The following MMP26 variants were observed in gnomAD, a reference collection of about 807,000 sequenced individuals.
MMP26 encodes matrix metallopeptidase 26.
Under a neutral mutation model 31.0 loss-of-function variants are expected in MMP26, and 33 were observed. That is an observed-to-expected ratio of 1.06 (90% CI 0.81 to 1.42). The LOEUF (loss-of-function observed/expected upper bound fraction) is 1.42. MMP26 is among the 40% of genes most tolerant of loss of function. The probability of loss-of-function intolerance (pLI) is 0.00; values close to 1 mark genes in which losing one functional copy is unlikely to be tolerated. For missense variants in MMP26, 347 were observed against 316.1 expected (o/e 1.10, Z -0.74); for synonymous variants, 122 against 114.9 (o/e 1.06, Z -0.40).
intron 2 of MMP26, among the ~76,000 whole-genome samples, chr11:4,880,294 G>A (rs1382207791): frequency 5.3e-5 from 8 of 152,190 alleles, no homozygotes; most frequent in Admixed American, 2.6e-4. Flanking sequence ...CAGGTAAGAC[G>A]GGAGTGCAAA....
intron 1 of MMP26, among the ~76,000 whole-genome samples, chr11:4,722,436 T>C (rs1169134136): frequency 6.7e-6 from 1 of 149,806 alleles, no homozygotes; most frequent in African/African-American, 2.4e-5. Context: ...TAGATGCCAA[T>C]TGGTTTTTCA....
intron 2 of MMP26, among the ~76,000 whole-genome samples, chr11:4,968,909 A>G (rs1332075776): frequency 6.6e-6 from 1 of 152,044 alleles, no homozygotes; most frequent in Non-Finnish European, 1.5e-5. Context: ...AAATTACTTT[A>G]GAATACAATT....
chr11:4,978,766 C>T, intron 2 of MMP26, among the ~76,000 whole-genome samples: 1 of 152,128 alleles, frequency 6.6e-6, no homozygotes, highest in Non-Finnish European at 1.5e-5. Flanking sequence ...GCAGCAGTTT[C>T]AGAAAGAACA....
At position 4,897,180 on chromosome 11, in the gene MMP26, G is replaced by A. The variant is rs189342834; in HGVS notation, c.-144-90888G>A. ...TTTTTGGATGGAGTCTCACTCTGTC[G>A]CCCGGCTGGAGTGCAGCGGCAGGAT... On this transcript the variant is annotated intron_variant, in intron 2 of 7. Transcript: ENST00000380390. Among the ~76,000 whole-genome samples the A allele has an allele frequency of 4.4e-3, 661 of 151,798 alleles. 6 individuals are homozygous for A. Among genetic ancestry groups the A allele is most frequent in the Middle Eastern group, 6.8e-3 (2 of 294 alleles).
intron 2 of MMP26, among the ~76,000 whole-genome samples, chr11:4,885,872 A>T (rs1016572909): frequency 2.0e-5 from 3 of 152,092 alleles, no homozygotes; most frequent in Non-Finnish European, 4.4e-5. Context: ...GCCTGTTGCC[A>T]TTCCTTTACA....
intron 2 of MMP26, among the ~76,000 whole-genome samples, chr11:4,851,961 A>C (rs1057073812): frequency 6.6e-6 from 1 of 152,118 alleles, no homozygotes; most frequent in South Asian, 2.1e-4. Flanking sequence ...CAATAATCAC[A>C]AAGTGAATGG....
intron 2 of MMP26, among the ~76,000 whole-genome samples, chr11:4,792,894 T>C (rs1849049586): frequency 6.6e-6 from 1 of 152,228 alleles, no homozygotes; most frequent in African/African-American, 2.4e-5. Flanking sequence ...AGCCAATTGA[T>C]AGTTATTTTA....
chr11:4,820,606 C>T (rs1849481983), intron 2 of MMP26, among the ~76,000 whole-genome samples: 2 of 151,918 alleles, frequency 1.3e-5, no homozygotes, highest in South Asian at 4.2e-4. Context: ...CCTGCCTCCA[C>T]CTTCACTAGT....
At chr11:4,952,277 C>T (rs1993387) in intron 2 of MMP26, among the ~76,000 whole-genome samples, 29,034 of 123,584 alleles carry the variant, frequency 0.23, 9,111 homozygotes, top group Non-Finnish European at 0.26. Context: ...GTACAATATC[C>T]TGAAAGAATA....
chr11:4,937,401 G>A (rs113680032), intron 2 of MMP26: 2,839 of 152,294 alleles, frequency 0.019, 34 homozygotes, highest in Middle Eastern at 0.037. Context: ...CTCGGATTTG[G>A]TGGGTCTTCA....
chr11:4,973,575 A>G (rs1846695634), intron 2 of MMP26: 1 of 153,312 alleles, frequency 6.5e-6, no homozygotes, highest in Admixed American at 6.6e-5. Context: ...TGGATGAAAA[A>G]CTCTTGAGCA....
At chr11:4,791,444 T>G (rs1344597010) in intron 2 of MMP26, among the ~76,000 whole-genome samples, 1 of 152,168 alleles carries the variant, frequency 6.6e-6, no homozygotes, top group African/African-American at 2.4e-5. Flanking sequence ...TGTTGGAGTG[T>G]TGAGGTCTTG....
At chr11:4,963,365 A>G (rs1384401865) in intron 2 of MMP26, among the ~76,000 whole-genome samples, 1 of 152,234 alleles carries the variant, frequency 6.6e-6, no homozygotes, top group Non-Finnish European at 1.5e-5. Flanking sequence ...GACTTTCTTC[A>G]CAGAGTTAGA....
chr11:4,963,766 C>T (rs957008288), intron 2 of MMP26, among the ~76,000 whole-genome samples: 1 of 152,160 alleles, frequency 6.6e-6, no homozygotes, highest in Non-Finnish European at 1.5e-5. Context: ...TCCACAACCT[C>T]ACCAGCATCT....
chr11:4,896,156 C>A (rs1305327237), intron 2 of MMP26, among the ~76,000 whole-genome samples: 1 of 152,124 alleles, frequency 6.6e-6, no homozygotes, highest in Non-Finnish European at 1.5e-5. Context: ...TTAGAGCACT[C>A]ATATTTCAGA....
At chr11:4,715,695 A>G (rs969574098) in intron 1 of MMP26, among the ~76,000 whole-genome samples, 7 of 152,160 alleles carry the variant, frequency 4.6e-5, no homozygotes, top group African/African-American at 1.7e-4. Context: ...TGAACCTATA[A>G]AGATTTGGAG....
At position 4,914,893 on chromosome 11, in the gene MMP26, G is replaced by A. The variant is rs752690391; in HGVS notation, c.-144-73175G>A. On this transcript the variant is annotated intron_variant, in intron 2 of 7. Transcript: ENST00000380390. ...TGACAGAGAGGCCAATCATGGGAGTGTAGAAGAGCAGCACAGCACAGATGT... is the reference window on the plus strand; with the variant it reads ...TGACAGAGAGGCCAATCATGGGAGTATAGAAGAGCAGCACAGCACAGATGT... 1.1e-5 allele frequency: 17 copies of A among 1,614,044 alleles called. No homozygotes were observed. The East Asian group carries it at 3.1e-4, about 30-fold the overall frequency.
chr11:4,718,263 A>G (rs141713821), intron 1 of MMP26, among the ~76,000 whole-genome samples: 5 of 152,352 alleles, frequency 3.3e-5, no homozygotes, highest in Non-Finnish European at 7.3e-5. Context: ...TGTCTAAAAT[A>G]TCATACAACC....
intron 1 of MMP26, among the ~76,000 whole-genome samples, chr11:4,753,606 T>G (rs1460431755): frequency 6.6e-6 from 1 of 152,110 alleles, no homozygotes; most frequent in East Asian, 1.9e-4. Context: ...TCTATTTAAC[T>G]GTGATTAGGC....
Sources: allele counts gnomAD v4.1 joint callset (sites outside exome capture counted in the v4.1 genomes callset), GRCh38; gene constraint gnomAD v4.1.1; transcripts MANE v1.5; gene names NCBI Gene and HGNC (gene_info 2026-07-23, HGNC 2026-07-21).